Variants in FLACC1 observed in about 807,000 individuals in gnomAD.
FLACC1 encodes flagellum associated containing coiled-coil domains 1.
A neutral mutation model predicts 62.8 loss-of-function variants in FLACC1; 66 were observed. That is an observed-to-expected ratio of 1.05 (90% CI 0.86 to 1.29). The LOEUF is 1.29. Among genes scored for constraint, FLACC1 ranks in the 50% most tolerant of loss-of-function variants. The pLI is 0.00. For synonymous variants in FLACC1, 156 were observed against 161.0 expected (o/e 0.97, Z 0.24); for missense variants, 452 against 489.1 (o/e 0.92, Z 0.71).
intron 5 of FLACC1, among the ~76,000 whole-genome samples, chr2:201,345,867 GAC>G (rs2125615906): frequency 6.6e-6 from 1 of 152,190 alleles, no homozygotes; most frequent in Non-Finnish European, 1.5e-5. Flanking sequence ...AGTATTTTTG[GAC>G]ATAATGAAAA....
intron 6 of FLACC1, among the ~76,000 whole-genome samples, chr2:201,343,903 G>A (rs1950861436): frequency 6.6e-6 from 1 of 152,240 alleles, no homozygotes; most frequent in Admixed American, 6.5e-5. Flanking sequence ...GAGGAGGACA[G>A]TGTCACTGCA....
chr2:201,303,763 G>A (rs1950041121), intron 11 of FLACC1, among the ~76,000 whole-genome samples: 1 of 152,196 alleles, frequency 6.6e-6, no homozygotes, highest in Non-Finnish European at 1.5e-5. Context: ...TGGGATGCAA[G>A]GCTGGTTCAA....
At chr2:201,314,492 G>A (rs1463451318) in intron 9 of FLACC1, among the ~76,000 whole-genome samples, 1 of 151,960 alleles carries the variant, frequency 6.6e-6, no homozygotes, top group African/African-American at 2.4e-5. Context: ...CAAAGACAAA[G>A]AAAAAAGAAT....
upstream of FLACC1, among the ~76,000 whole-genome samples, chr2:201,361,028 A>C (rs1478855426): frequency 1.3e-5 from 2 of 152,200 alleles, no homozygotes; most frequent in African/African-American, 4.8e-5. Context: ...CAGTGAGCCA[A>C]GATCGTGCCA....
intron 9 of FLACC1, 43 bp downstream of exon 9, chr2:201,330,427 G>T: frequency 1.0e-5 from 16 of 1,546,922 alleles, no homozygotes; most frequent in Non-Finnish European, 1.4e-5. Context: ...CCAGGAATGA[G>T]CCTTCCTTCT....
chr2:201,301,762 G>C (rs544422836), intron 11 of FLACC1, among the ~76,000 whole-genome samples: 48 of 152,368 alleles, frequency 3.2e-4, no homozygotes, highest in Middle Eastern at 6.8e-3. Context: ...CAAGCCAGAA[G>C]AGAGTGGGGG....
chr2:201,346,483 C>T lies in FLACC1; in HGVS notation c.368+59G>A. On this transcript the variant is annotated intron_variant, in intron 5 of 14. Coordinates refer to ENST00000392257, the MANE Select transcript of FLACC1 (RefSeq NM_001127391.3). The surrounding 1 kb of genome is among the most constrained non-coding windows in gnomAD (Gnocchi z 4.0). ...TAGCGGCTTTGGCTTGTCCCTGAGG[C>T]CGGGCTGAGCTGGGTGGGAGTAGCC... The T allele has an allele frequency of 1.3e-6, 2 of 1,599,296 alleles. No individual in the cohort carries two copies. The highest frequency in any genetic ancestry group is 1.7e-6 in the Non-Finnish European group (2 of 1,176,510).
At chr2:201,342,557 T>C (rs1227096932) in intron 6 of FLACC1, 126 bp from the exon 7 acceptor site, 12 of 837,042 alleles carry the variant, frequency 1.4e-5, no homozygotes, top group Non-Finnish European at 2.2e-5. Context: ...CACAGCCCCC[T>C]TCCCACCCCT....
intron 12 of FLACC1, among the ~76,000 whole-genome samples, chr2:201,293,542 G>A (rs1394412296): frequency 1.3e-5 from 2 of 152,076 alleles, no homozygotes; most frequent in African/African-American, 4.8e-5. Context: ...GGAAATTTAT[G>A]GCACTAAATG....
chr2:201,346,793 A>C lies in FLACC1; in HGVS notation c.235-118T>G. The stretch of plus-strand genomic sequence containing the variant: ...ACAGGGACCTGGGACTCCACAGCCC[A>C]AGCCCTTCTGGGCCCTTCACCCATT... On this transcript the variant is annotated intron_variant, in intron 4 of 14. Transcript: ENST00000392257. The surrounding 1 kb of genome is among the most constrained non-coding windows in gnomAD (Gnocchi z 4.0). 1 of 1,311,924 alleles carries C rather than the reference A, an allele frequency of 7.6e-7. No homozygotes were observed. Among genetic ancestry groups the C allele is most frequent in the Non-Finnish European group, 1.1e-6 (1 of 946,784 alleles). 81.3% of individuals were successfully genotyped at this position (1,311,924 alleles called of 1,614,324 possible).
chr2:201,345,058 C>G (rs1372376405), intron 5 of FLACC1, among the ~76,000 whole-genome samples: 1 of 152,234 alleles, frequency 6.6e-6, no homozygotes, highest in East Asian at 1.9e-4. Context: ...ACAACACCCA[C>G]AACTTTACCA....
At chr2:201,309,097 A>T in intron 10 of FLACC1, 54 bp downstream of exon 10, 1 of 1,490,024 alleles carries the variant, frequency 6.7e-7, no homozygotes, top group Non-Finnish European at 9.4e-7. Context: ...ACCAAACTTC[A>T]TGGCAGTTTT....
intron 12 of FLACC1, among the ~76,000 whole-genome samples, chr2:201,293,005 C>A (rs1288237770): frequency 1.3e-5 from 2 of 152,160 alleles, no homozygotes; most frequent in East Asian, 3.8e-4. Context: ...AATACAGGAG[C>A]AGCCAGATTC....
At chr2:201,323,622 C>T (rs13399286) in intron 9 of FLACC1, among the ~76,000 whole-genome samples, 7 of 151,818 alleles carry the variant, frequency 4.6e-5, no homozygotes, top group Admixed American at 2.0e-4. Flanking sequence ...CCTGTCTTTA[C>T]TAAAAAATAC....
Position 201,348,279 on chromosome 2 carries a change from T to A in FLACC1, c.209A>T (p.Gln70Leu), listed in dbSNP as rs1426110693. The A allele has an allele frequency of 9.3e-6, 15 of 1,612,818 alleles. No homozygotes were observed. Among genetic ancestry groups the A allele is most frequent in the African/African-American group, 1.3e-5 (1 of 74,896 alleles). ...SPKMKIHSARQEETNKSFYEV... is the reference protein window; with the variant it reads ...SPKMKIHSARLEETNKSFYEV... ...ATAAAATGATTTATTAGTCTCTTCT[T>A]GCCTTGCTGAATGGATTTTCATTCT... Residue 70 changes from glutamine to leucine, a missense_variant, in exon 4 of 15, where the codon CAA (glutamine) becomes CTA (leucine). Gln to Leu is a moderately radical substitution (Grantham distance 113). Coordinates refer to ENST00000392257, the MANE Select transcript of FLACC1 (RefSeq NM_001127391.3).
intron 11 of FLACC1, among the ~76,000 whole-genome samples, chr2:201,302,663 T>C (rs529645453): frequency 1.3e-4 from 20 of 152,272 alleles, no homozygotes; most frequent in African/African-American, 4.6e-4. Context: ...TATTCCAAAA[T>C]TGACCACATA....
At chr2:201,303,732 T>C (rs1950040461) in intron 11 of FLACC1, among the ~76,000 whole-genome samples, 1 of 152,188 alleles carries the variant, frequency 6.6e-6, no homozygotes. Context: ...TTATCCACCA[T>C]GATCAAGTGG....
chr2:201,348,735 G>GAA (rs1320298789), intron 3 of FLACC1, among the ~76,000 whole-genome samples: 3 of 151,924 alleles, frequency 2.0e-5, no homozygotes, highest in African/African-American at 7.3e-5. Flanking sequence ...AAATGTTCCA[G>GAA]AAAATGAAAT....
intron 7 of FLACC1, among the ~76,000 whole-genome samples, chr2:201,331,679 T>A (rs114733474): frequency 1.3e-5 from 2 of 152,250 alleles, no homozygotes; most frequent in Non-Finnish European, 2.9e-5. Flanking sequence ...AGTAAAGAGA[T>A]CAGTGTTTGC....
Sources: gnomAD v4.1 joint callset for allele counts (sites outside exome capture counted in the v4.1 genomes callset) on GRCh38, gnomAD v4.1.1 for gene constraint, Gnocchi (gnomAD v3.1) non-coding constraint, MANE v1.5 for transcripts, NCBI Gene and HGNC (gene_info 2026-07-23, HGNC 2026-07-21) for gene names.